The following PLK5 variants were observed in gnomAD, a reference collection of about 807,000 sequenced individuals.
PLK5 encodes polo like kinase 5 (inactive), also known as inactive serine/threonine-protein kinase PLK5.
Under a neutral mutation model 33.7 loss-of-function variants are expected in PLK5, and 28 were observed. The observed-to-expected ratio is 0.83, with a 90% CI of 0.62 to 1.14. The LOEUF is 1.14. Among genes scored for constraint, PLK5 ranks in the 50% most tolerant of loss-of-function variants. The pLI is 0.00. For missense variants in PLK5, 492 were observed against 461.5 expected, an observed-to-expected ratio of 1.07 and a Z score of -0.61; for synonymous variants, 225 against 202.2, an observed-to-expected ratio of 1.11 and a Z score of -0.96.
Position 1,531,803 on chromosome 19 carries a change from A to C in PLK5, c.634A>C (p.Ser212Arg), listed in dbSNP as rs761677242. 1.3e-6 allele frequency: 2 copies of C among 1,535,490 alleles called. No individual in the cohort carries two copies. Among genetic ancestry groups the C allele is most frequent in the South Asian group, 2.4e-5 (2 of 84,012 alleles). ...GGCCCCCAAATGGGTGGATTATTCCAGCAAATACGGCTTTGGCTACCAGCT... is the reference window on the plus strand; with the variant it reads ...GGCCCCCAAATGGGTGGATTATTCCCGCAAATACGGCTTTGGCTACCAGCT... The part of the protein sequence containing the change: ...LWAPKWVDYS[S>R]KYGFGYQLLD... The change falls in exon 12 of 14, where the codon AGC becomes CGC. Residue 212 changes from serine (S) to arginine (R), a missense_variant. Ser to Arg is a moderately radical substitution (Grantham distance 110). Transcript: ENST00000454744.
rs1350434471 is a variant in PLK5, at chr19:1,529,793, C to T, written c.537C>T (p.His179=). The part of the protein sequence containing the change: ...RRPEVEAALR[H]LQLCLDVGPP... ...CAGAGGTGGAGGCGGCCCTCAGACA[C>T]CTGCAGCTGTGCCTGGATGTAGGCC... Residue 179 remains histidine, a synonymous_variant, in exon 11 of 14, where the codon CAC becomes CAT. Transcript: ENST00000454744. The T allele has an allele frequency of 6.5e-7, 1 of 1,536,002 alleles. No individual in the cohort carries two copies. Among genetic ancestry groups the T allele is most frequent in the East Asian group, 2.4e-5 (1 of 40,916 alleles).
intron 11 of PLK5, among the ~76,000 whole-genome samples, chr19:1,530,562 G>A (rs1179171226): frequency 7.1e-6 from 1 of 141,830 alleles, no homozygotes; most frequent in Non-Finnish European, 1.5e-5. Flanking sequence ...GCCTCCCAAA[G>A]TGCTGGGATT....
At position 1,526,564 on chromosome 19, in the gene PLK5, G is replaced by A. The variant is rs941556640; in HGVS notation, c.-234G>A. 6 of 290,388 alleles carry A rather than the reference G, an allele frequency of 2.1e-5. No individual in the cohort carries two copies. Among genetic ancestry groups the A allele is most frequent in the Admixed American group, 9.7e-5 (2 of 20,712 alleles). 18.0% of individuals were successfully genotyped at this position (290,388 alleles called of 1,614,324 possible). ...CGACTACCTGCGGGGCCTGGTCAGC[G>A]GCCTGCGCTACCTGCACCAGCGGTG... On this transcript the variant is annotated 5_prime_UTR_variant, in exon 4 of 14. Transcript: ENST00000454744.
chr19:1,534,405 G>T (rs978994462), intron 13 of PLK5, among the ~76,000 whole-genome samples: 1 of 151,404 alleles, frequency 6.6e-6, no homozygotes, highest in East Asian at 1.9e-4. Flanking sequence ...TACTCAGGAG[G>T]CTGAGGCAGG....
intron 8 of PLK5, 60 bp downstream of exon 8, chr19:1,528,488 A>G (rs62128510): frequency 0.022 from 13,241 of 613,892 alleles, 745 homozygotes; most frequent in Middle Eastern, 0.063. Flanking sequence ...ACCTGCCCAC[A>G]CCTCCCACCT....
At position 1,526,601 on chromosome 19, in the gene PLK5, G is replaced by T; in HGVS notation, c.-197G>T. On this transcript the variant is annotated 5_prime_UTR_variant, in exon 4 of 14. Coordinates refer to ENST00000454744, the MANE Select transcript of PLK5 (RefSeq NM_001243079.2). ...CTGCACCAGCGGTGCATCCTGCACC[G>T]CGACCTGAAGCTCAGTGAGTGCCAG... 3 of 337,812 alleles carry T rather than the reference G, an allele frequency of 8.9e-6. No homozygotes were observed. The highest frequency in any genetic ancestry group is 8.5e-5 in the East Asian group (1 of 11,750). The allele number at this position is 337,812 out of a possible 1,614,324, so 20.9% of individuals were successfully genotyped here.
chr19:1,529,866 T>C (rs1051845645), intron 11 of PLK5, 42 bp downstream of exon 11: 18 of 1,514,258 alleles, frequency 1.2e-5, no homozygotes, highest in East Asian at 2.5e-5. Context: ...TTACTCTTAC[T>C]AGCCAAGTAA....
chr19:1,528,369 C>G lies in PLK5; in HGVS notation c.269C>G (p.Pro90Arg). 1 of 1,535,770 alleles carries G rather than the reference C, an allele frequency of 6.5e-7. No homozygotes were observed. The highest frequency in any genetic ancestry group is 8.7e-7 in the Non-Finnish European group (1 of 1,146,780). ...HSPPIFAIPP[P>R]LGRIFRKVGQ... Reference sequence around the variant, plus strand: ...CCCCCCATCTTCGCCATACCCCCGCCTCTGGGCAGGATCTTCCGGAAGGTG... The same window carrying G: ...CCCCCCATCTTCGCCATACCCCCGCGTCTGGGCAGGATCTTCCGGAAGGTG... The change falls in exon 8 of 14, where the codon CCT becomes CGT. Residue 90 changes from proline to arginine, a missense_variant. Coordinates refer to ENST00000454744, the MANE Select transcript of PLK5 (RefSeq NM_001243079.2).
At chr19:1,527,477 C>T (rs1913774642) in intron 6 of PLK5, among the ~76,000 whole-genome samples, 1 of 152,074 alleles carries the variant, frequency 6.6e-6, no homozygotes, top group African/African-American at 2.4e-5. Context: ...TGGTGTGCAC[C>T]TGTAGTCCCA....
At chr19:1,529,972 T>G (rs1033487567) in intron 11 of PLK5, 148 bp downstream of exon 11, 34 of 810,738 alleles carry the variant, frequency 4.2e-5, no homozygotes, top group Non-Finnish European at 4.7e-5. Flanking sequence ...ATCAGGAGAG[T>G]GGGTTAGCCC....
chr19:1,535,982 T>A lies in PLK5; in HGVS notation c.*732T>A, dbSNP rs931509537. 1.3e-5 allele frequency: 2 copies of A among 152,512 alleles called. No homozygotes were observed. The highest frequency in any genetic ancestry group is 4.8e-5 in the African/African-American group (2 of 41,428). 9.4% of individuals were successfully genotyped at this position (152,512 alleles called of 1,614,324 possible). ...ACAGGAAAGAAGCCGACACTGAGGC[T>A]GGAAAGATGGCTGGCTATGCTCCGG... On this transcript the variant is annotated 3_prime_UTR_variant, in exon 14 of 14. Transcript: ENST00000454744.
rs759461067 is a variant in PLK5 at position 1,530,604 on chromosome 19, ATTTTTTTTTTTTTTTTTTTTT to A, written c.568+793_568+813del. ...GTCGTCAGCCACCACGCCTGGGCGC[ATTTTTTTTTTTTTTTTTTTTT>A]TTTTTTTTTTTTGAGACGGAGTCTC... On this transcript the variant is annotated intron_variant, in intron 11 of 13. Coordinates refer to ENST00000454744, the MANE Select transcript of PLK5 (RefSeq NM_001243079.2). Among the ~76,000 whole-genome samples, 6 of 36,524 alleles carry A rather than the reference ATTTTTTTTTTTTTTTTTTTTT, an allele frequency of 1.6e-4. 1 individual carries two copies. The highest frequency in any genetic ancestry group is 2.9e-3 in the South Asian group (2 of 688). 24.0% of individuals were successfully genotyped at this position (36,524 alleles called of 152,430 possible).
Position 1,526,963 on chromosome 19 carries a change from C to A in PLK5, c.-34C>A, listed in dbSNP as rs1310140707. 3.9e-6 allele frequency: 6 copies of A among 1,535,340 alleles called. No homozygotes were observed. Among genetic ancestry groups the A allele is most frequent in the Middle Eastern group, 3.3e-4 (2 of 5,990 alleles). ...AGGTTGTCTCCAGAAACGGTCACTC[C>A]TGCCAGTAGGACATCTGGGCTCTGG... On this transcript the variant is annotated 5_prime_UTR_variant, in exon 6 of 14. In the 5' UTR this introduces an upstream ATG that the reference lacks. Coordinates refer to ENST00000454744, the MANE Select transcript of PLK5 (RefSeq NM_001243079.2).
rs544471771 is a variant in PLK5, at chr19:1,533,996, C to T, written c.780C>T (p.Ala260=). The stretch of plus-strand genomic sequence containing the variant: ...GCCTCTGCCTCCTGCGCTTCCTGGC[C>T]TCTGAGCACGCCCTGCTGCTGCTGT... The part of the protein sequence containing the change: ...GPGLCLLRFL[A]SEHALLLLFS... Residue 260 remains alanine (A), a synonymous_variant, in exon 13 of 14, where the codon GCC becomes GCT. Transcript: ENST00000454744. 2.6e-6 allele frequency: 4 copies of T among 1,535,536 alleles called. No individual in the cohort carries two copies. In the African/African-American group the frequency reaches 4.1e-5, roughly 16 times the overall value.
intron 11 of PLK5, among the ~76,000 whole-genome samples, chr19:1,530,740 C>A (rs1310821176): frequency 1.3e-5 from 2 of 151,132 alleles, no homozygotes; most frequent in African/African-American, 4.9e-5. Flanking sequence ...CTGCCTCAGC[C>A]TCCCCAGCAG....
intron 12 of PLK5, among the ~76,000 whole-genome samples, chr19:1,532,522 T>TTTC (rs1491189652): frequency 0.032 from 853 of 26,494 alleles, 10 homozygotes; most frequent in African/African-American, 0.094. Flanking sequence ...AATTTTCTTC[T>TTTC]TTTTTTTTTT....
chr19:1,525,966 AC>A lies in PLK5; in HGVS notation c.-313+257del, dbSNP rs531378605. On this transcript the variant is annotated intron_variant, in intron 3 of 13. Coordinates refer to ENST00000454744, the MANE Select transcript of PLK5 (RefSeq NM_001243079.2). ...CAGGCCCGTCTCAGACTCACCTGTG[AC>A]CGCCTGGGCCCATCAGAATGTGTTT... 9.2e-5 allele frequency among the ~76,000 whole-genome samples: 14 copies of A among 151,888 alleles called. No individual in the cohort carries two copies. In the South Asian group the frequency reaches 2.7e-3, roughly 29 times the overall value.
At chr19:1,533,526 T>G (rs1202010915) in intron 12 of PLK5, among the ~76,000 whole-genome samples, 1 of 150,824 alleles carries the variant, frequency 6.6e-6, no homozygotes, top group Non-Finnish European at 1.5e-5. Flanking sequence ...GTGGATAGAG[T>G]TGGAAGGCAG....
intron 11 of PLK5, among the ~76,000 whole-genome samples, chr19:1,530,853 C>T (rs1035565388): frequency 2.6e-5 from 4 of 151,296 alleles, no homozygotes; most frequent in Admixed American, 6.6e-5. Context: ...CTCCTGACCT[C>T]GTGATCCGCC....
Sources: gnomAD v4.1 joint callset for allele counts (sites outside exome capture counted in the v4.1 genomes callset) on GRCh38, gnomAD v4.1.1 for gene constraint, MANE v1.5 for transcripts, NCBI Gene and HGNC (gene_info 2026-07-23, HGNC 2026-07-21) for gene names.